AREL1: variants seen among roughly 807,000 people sequenced by gnomAD.
AREL1 encodes apoptosis resistant E3 ubiquitin protein ligase 1.
AREL1 carries 62 observed loss-of-function variants against 99.0 expected under a neutral mutation model. The ratio of observed to expected loss-of-function variants is 0.63; its 90% confidence interval spans 0.51 to 0.77. The LOEUF is 0.77. Ranked by LOEUF, AREL1 falls within the 30% of genes least tolerant of loss-of-function variation. The pLI, the probability that AREL1 is intolerant of heterozygous loss-of-function variation, is 0.00. For missense variants in AREL1, 879 were observed against 1,027.6 expected (o/e 0.86, Z 1.98); for synonymous variants, 380 against 376.5 (o/e 1.01, Z -0.11).
chr14:74,680,523 C>T (rs1285692109), intron 5 of AREL1, among the ~76,000 whole-genome samples: 2 of 152,158 alleles, frequency 1.3e-5, no homozygotes, highest in Non-Finnish European at 2.9e-5. Flanking sequence ...AAGCATACAA[C>T]TCCAATACAT....
Position 74,673,170 on chromosome 14 carries a change from C to A in AREL1, c.1207G>T (p.Val403Leu). 6.2e-7 allele frequency: 1 copy of A among 1,614,146 alleles called. No individual in the cohort carries two copies. Among genetic ancestry groups the A allele is most frequent in the Non-Finnish European group, 8.5e-7 (1 of 1,180,030 alleles). Reference sequence around the variant, plus strand: ...ACAGGAGGTTGAATGCCATCATCCACCACCAGTGTGAGCAGCTTATGGACA... The same window carrying A: ...ACAGGAGGTTGAATGCCATCATCCAACACCAGTGTGAGCAGCTTATGGACA... Reference protein sequence around the residue: ...DPVHKLLTLVVDDGIQPPVEL... With the variant: ...DPVHKLLTLVLDDGIQPPVEL... Residue 403 changes from valine (V) to leucine (L), a missense_variant, in exon 10 of 20, where the codon GTG (valine) becomes TTG (leucine). By Grantham distance (32) the Val-to-Leu change is conservative. Coordinates refer to ENST00000356357, the MANE Select transcript of AREL1 (RefSeq NM_001039479.2).
chr14:74,712,816 C>A (rs187829817), intron 1 of AREL1, 117 bp downstream of exon 1: 6 of 394,010 alleles, frequency 1.5e-5, no homozygotes, highest in African/African-American at 1.0e-4. Flanking sequence ...TGTGTTCCCC[C>A]AAACTACTGG....
At chr14:74,673,355 A>G in intron 9 of AREL1, 137 bp from the exon 10 acceptor site, 2 of 820,428 alleles carry the variant, frequency 2.4e-6, no homozygotes, top group Non-Finnish European at 1.8e-6. Flanking sequence ...CCAGAAATAC[A>G]TTTCATTATT....
Position 74,669,940 on chromosome 14 carries a change from A to G in AREL1, c.1788+7T>C. 1 of 1,603,048 alleles carries G rather than the reference A, an allele frequency of 6.2e-7. No individual in the cohort carries two copies. The highest frequency in any genetic ancestry group is 8.5e-7 in the Non-Finnish European group (1 of 1,173,718). On this transcript the variant is annotated splice_region_variant and intron_variant, in intron 14 of 19. Transcript: ENST00000356357. ...CCTTAGTAGGAAATGCACACCCAAGATGTTACCTTGTAATGCATACGCAGT... is the reference window on the plus strand; with the variant it reads ...CCTTAGTAGGAAATGCACACCCAAGGTGTTACCTTGTAATGCATACGCAGT...
chr14:74,669,893 T>C, intron 14 of AREL1, 54 bp downstream of exon 14: 1 of 1,580,724 alleles, frequency 6.3e-7, no homozygotes, highest in Non-Finnish European at 8.6e-7. Context: ...GGAGGAGAGA[T>C]TTCAGGGTTA....
intron 5 of AREL1, among the ~76,000 whole-genome samples, chr14:74,681,736 C>T (rs950615076): frequency 2.0e-5 from 3 of 150,170 alleles, no homozygotes; most frequent in African/African-American, 7.4e-5. Flanking sequence ...CACCACTACA[C>T]TCCAGCCTGG....
At chr14:74,704,230 C>T (rs1229390599) in intron 1 of AREL1, among the ~76,000 whole-genome samples, 3 of 152,000 alleles carry the variant, frequency 2.0e-5, no homozygotes, top group East Asian at 1.9e-4. Flanking sequence ...ATGTGAACCC[C>T]GAATATCTGA....
intron 1 of AREL1, among the ~76,000 whole-genome samples, chr14:74,708,372 C>T (rs2090223139): frequency 6.6e-6 from 1 of 152,082 alleles, no homozygotes. Context: ...CTTTTTTAAC[C>T]CCTTTCTATG....
chr14:74,670,679 G>T, intron 13 of AREL1, 83 bp downstream of exon 13: 1 of 1,177,148 alleles, frequency 8.5e-7, no homozygotes, highest in Non-Finnish European at 1.2e-6. Context: ...CAGGTTCCCA[G>T]ATCAGTTTCA....
rs1322969190 is a variant in AREL1, at chr14:74,683,471, G to C, written c.306C>G (p.Ile102Met). The C allele has an allele frequency of 6.2e-7, 1 of 1,614,122 alleles. No homozygotes were observed. Residue 102 changes from isoleucine (I) to methionine (M), a missense_variant, in exon 5 of 20, where the codon ATC becomes ATG. Physicochemically the swap from Ile to Met is conservative, Grantham distance 10. Transcript: ENST00000356357. ...AHRPVGLRVHISHVELAVEIP... is the reference protein window; with the variant it reads ...AHRPVGLRVHMSHVELAVEIP... ...TTTCCACTGCTAGCTCGACATGAGAGATGTGAACTCTTAGTCCCACAGGCC... is the reference window on the plus strand; with the variant it reads ...TTTCCACTGCTAGCTCGACATGAGACATGTGAACTCTTAGTCCCACAGGCC...
rs1325519440 is a variant in AREL1 at position 74,662,518 on chromosome 14, T to C, written c.*1202A>G. The C allele has an allele frequency of 2.5e-6, 1 of 398,598 alleles. No individual in the cohort carries two copies. The highest frequency in any genetic ancestry group is 2.1e-5 in the African/African-American group (1 of 48,628). The allele number at this position is 398,598 out of a possible 1,614,324, so 24.7% of individuals were successfully genotyped here. A position where few individuals can be genotyped will look rare whatever the true frequency, so the allele number is the denominator to read the frequency against. On this transcript the variant is annotated 3_prime_UTR_variant, in exon 20 of 20. Transcript: ENST00000356357. ...TCATCTTCCAAGATACAGCAGCAGGTACTCTTCAATCATCATTCAACAGTG... is the reference window on the plus strand; with the variant it reads ...TCATCTTCCAAGATACAGCAGCAGGCACTCTTCAATCATCATTCAACAGTG...
intron 17 of AREL1, among the ~76,000 whole-genome samples, chr14:74,666,952 T>G (rs908086780): frequency 6.6e-6 from 1 of 152,110 alleles, no homozygotes; most frequent in Admixed American, 6.6e-5. Flanking sequence ...ACTCCTGACC[T>G]CAGGTGATCC....
Position 74,676,101 on chromosome 14 carries a change from C to T in AREL1, c.832+40G>A, listed in dbSNP as rs146251659. The stretch of plus-strand genomic sequence containing the variant: ...AGAGTGCAAACAGGCAAAGAAACGG[C>T]TGAAGAACAGCACTAAATCATACTT... On this transcript the variant is annotated intron_variant, in intron 7 of 19. Coordinates refer to ENST00000356357, the MANE Select transcript of AREL1 (RefSeq NM_001039479.2). 3.6e-5 allele frequency: 57 copies of T among 1,591,666 alleles called. No individual in the cohort carries two copies. The Admixed American group carries it at 9.3e-4, about 26-fold the overall frequency.
rs368858691 is a variant in AREL1 at position 74,711,099 on chromosome 14, C to T, written c.-334+1834G>A. 4.1e-4 allele frequency among the ~76,000 whole-genome samples: 63 copies of T among 152,094 alleles called. 2 individuals carry two copies. In the South Asian group the frequency reaches 0.012, roughly 28 times the overall value. ...ATATAAAATCAGCCAGGCGTGTTGG[C>T]GCACGCCTGTAATCCCAGCTACTCA... On this transcript the variant is annotated intron_variant, in intron 1 of 19. Coordinates refer to ENST00000356357, the MANE Select transcript of AREL1 (RefSeq NM_001039479.2).
At chr14:74,703,646 C>A (rs1201200319) in intron 1 of AREL1, among the ~76,000 whole-genome samples, 2 of 152,152 alleles carry the variant, frequency 1.3e-5, no homozygotes, top group African/African-American at 4.8e-5. Context: ...TAGATTCATA[C>A]ATGTTGTTAC....
intron 5 of AREL1, among the ~76,000 whole-genome samples, chr14:74,677,693 G>A (rs10151249): frequency 0.02 from 2,956 of 151,544 alleles, 79 homozygotes; most frequent in African/African-American, 0.067. Context: ...AGTAGAGACA[G>A]CGTTTCACCA....
rs943702692 is a variant in AREL1, at chr14:74,673,311, T to A, written c.1159-93A>T. On this transcript the variant is annotated intron_variant, in intron 9 of 19. Transcript: ENST00000356357. ...TATCCTGTGTACCAACCAACAACAA[T>A]AAGTTAGGCTTGTTTTCTCCAAATG... 7 of 1,302,576 alleles carry A rather than the reference T, an allele frequency of 5.4e-6. No homozygotes were observed. The African/African-American group carries it at 1.0e-4, about 19-fold the overall frequency. The allele number at this position is 1,302,576 out of a possible 1,614,324, so 80.7% of individuals were successfully genotyped here. A position where few individuals can be genotyped will look rare whatever the true frequency, so the allele number is the denominator to read the frequency against.
At chr14:74,665,093 A>G (rs2089184035) in intron 17 of AREL1, 168 bp from the exon 18 acceptor site, 2 of 529,834 alleles carry the variant, frequency 3.8e-6, no homozygotes, top group Non-Finnish European at 6.8e-6. Flanking sequence ...AATCAATTAC[A>G]TACAACAGGG....
At chr14:74,676,824 T>A in intron 5 of AREL1, 72 bp from the exon 6 acceptor site, 1 of 1,222,476 alleles carries the variant, frequency 8.2e-7, no homozygotes. Context: ...TGAGATGGAG[T>A]CTCGCTCTTT....
Sources: gnomAD v4.1 joint callset for allele counts (sites outside exome capture counted in the v4.1 genomes callset) on GRCh38, gnomAD v4.1.1 for gene constraint, MANE v1.5 for transcripts, NCBI Gene and HGNC (gene_info 2026-07-23, HGNC 2026-07-21) for gene names.